Variants in ATP10B observed in about 807,000 individuals in gnomAD.
ATP10B encodes ATPase phospholipid transporting 10B (putative).
ATP10B carries 122 observed loss-of-function variants against 141.2 expected under a neutral mutation model. The ratio of observed to expected loss-of-function variants is 0.86; its 90% CI spans 0.75 to 1.00. ATP10B has a LOEUF of 1.00. Among genes scored for constraint, ATP10B ranks in the 50% least tolerant of loss-of-function variants. The pLI is 0.00. For synonymous variants in ATP10B, 685 were observed against 692.0 expected (o/e 0.99, Z 0.16); for missense variants, 1,876 against 1,825.3 (o/e 1.03, Z -0.51).
chr5:160,640,193 G>A (rs546337602), intron 10 of ATP10B, among the ~76,000 whole-genome samples: 67 of 152,288 alleles, frequency 4.4e-4, no homozygotes, highest in South Asian at 4.1e-3. Context: ...AGTCTGATTC[G>A]TCTTGTTTTC....
At chr5:160,684,777 T>C (rs1763645391) in intron 6 of ATP10B, 4 of 625,690 alleles carry the variant, frequency 6.4e-6, no homozygotes, top group South Asian at 1.9e-5. Flanking sequence ...ACTGCAGTGA[T>C]AGCAGCCACA....
intron 2 of ATP10B, among the ~76,000 whole-genome samples, chr5:160,757,451 A>C (rs1219419536): frequency 2.6e-5 from 4 of 152,338 alleles, no homozygotes; most frequent in African/African-American, 9.6e-5. Flanking sequence ...TGTTTACTGG[A>C]GTATAAACTT....
chr5:160,590,324 G>T (rs12518896), intron 23 of ATP10B, among the ~76,000 whole-genome samples: 2 of 151,846 alleles, frequency 1.3e-5, no homozygotes, highest in Non-Finnish European at 1.5e-5. Flanking sequence ...AAGCCAGGAA[G>T]TTCAAGCAAA....
Position 160,620,670 on chromosome 5 carries a change from G to A in ATP10B, c.2093C>T (p.Ser698Phe). 1.2e-6 allele frequency: 2 copies of A among 1,613,728 alleles called. No homozygotes were observed. The highest frequency in any genetic ancestry group is 1.7e-6 in the Non-Finnish European group (2 of 1,179,696). The change falls in exon 15 of 26, where the codon TCC becomes TTC. Residue 698 changes from serine (S) to phenylalanine (F), a missense_variant. Ser to Phe is a radical substitution (Grantham distance 155). Coordinates refer to ENST00000327245, the MANE Select transcript of ATP10B (RefSeq NM_025153.3). The part of the protein sequence containing the change: ...GDILESGSGT[S>F]LEEALEAPAT... ...TGGGGCCTCCAATGCCTCCTCCAAG[G>A]AAGTGCCTGACCCAGACTCCAGGAT...
chr5:160,903,184 C>A, the ATP10B span, among the ~76,000 whole-genome samples: 2 of 152,128 alleles, frequency 1.3e-5, no homozygotes, highest in Non-Finnish European at 2.9e-5. Flanking sequence ...CAGAAACGTG[C>A]TTAGGGCTAT....
chr5:160,693,979 C>T (rs1764227241), intron 3 of ATP10B, among the ~76,000 whole-genome samples: 1 of 152,192 alleles, frequency 6.6e-6, no homozygotes, highest in African/African-American at 2.4e-5. Flanking sequence ...TGGGCAGAAG[C>T]TGAGGCTGGA....
At chr5:160,737,407 A>T (rs1767199546) in intron 2 of ATP10B, among the ~76,000 whole-genome samples, 1 of 152,214 alleles carries the variant, frequency 6.6e-6, no homozygotes, top group Non-Finnish European at 1.5e-5. Flanking sequence ...TAGCTAGAGC[A>T]ATCAGACCAG....
chr5:160,664,507 CAACA>C (rs981371138), intron 7 of ATP10B, among the ~76,000 whole-genome samples: 1 of 152,190 alleles, frequency 6.6e-6, no homozygotes, highest in African/African-American at 2.4e-5. Flanking sequence ...TTAACCTGAG[CAACA>C]AACAGATACA....
chr5:160,581,375 C>T (rs1417006227), intron 24 of ATP10B, among the ~76,000 whole-genome samples: 1 of 152,148 alleles, frequency 6.6e-6, no homozygotes, highest in African/African-American at 2.4e-5. Context: ...TTTCAAAGAA[C>T]TTCTTTATTT....
At chr5:160,887,647 G>A in the ATP10B span, among the ~76,000 whole-genome samples, 2 of 152,082 alleles carry the variant, frequency 1.3e-5, no homozygotes, top group Non-Finnish European at 2.9e-5. Context: ...CCTCACTCAT[G>A]TTTCTCCAGC....
intron 1 of ATP10B, among the ~76,000 whole-genome samples, chr5:160,810,726 T>A (rs896607298): frequency 6.6e-6 from 1 of 152,236 alleles, no homozygotes; most frequent in Admixed American, 6.5e-5. Flanking sequence ...TATGAGGCTA[T>A]GTCCTTAGAT....
chr5:160,848,579 T>C (rs1753582537), intron 1 of ATP10B, among the ~76,000 whole-genome samples: 1 of 152,196 alleles, frequency 6.6e-6, no homozygotes, highest in Non-Finnish European at 1.5e-5. Context: ...AATGTAAACA[T>C]TTATAAAGGA....
At chr5:160,869,993 T>C in the ATP10B span, among the ~76,000 whole-genome samples, 1 of 152,182 alleles carries the variant, frequency 6.6e-6, no homozygotes, top group Non-Finnish European at 1.5e-5. Flanking sequence ...CTGTTCTTTT[T>C]AACAAGGCCT....
intron 7 of ATP10B, 76 bp downstream of exon 7, chr5:160,670,387 T>C: frequency 1.4e-6 from 2 of 1,443,776 alleles, no homozygotes; most frequent in South Asian, 1.2e-5. Context: ...CCAGTAGGTT[T>C]AGTTCAATTT....
chr5:160,639,421 G>A (rs561384914), intron 10 of ATP10B, among the ~76,000 whole-genome samples: 1 of 152,268 alleles, frequency 6.6e-6, no homozygotes, highest in East Asian at 1.9e-4. Context: ...TTATGAAGGT[G>A]GGCCCAATGA....
At chr5:160,916,877 T>G in the ATP10B span, among the ~76,000 whole-genome samples, 1 of 152,178 alleles carries the variant, frequency 6.6e-6, no homozygotes, top group Non-Finnish European at 1.5e-5. Context: ...TTGGACTCTA[T>G]TCTCTTTCCA....
the ATP10B span, among the ~76,000 whole-genome samples, chr5:160,868,112 C>T: frequency 6.6e-6 from 1 of 152,098 alleles, no homozygotes; most frequent in Non-Finnish European, 1.5e-5. Context: ...GTCTGGTCTG[C>T]CATGTGAAGC....
At chr5:160,895,534 C>T in the ATP10B span, among the ~76,000 whole-genome samples, 24 of 152,252 alleles carry the variant, frequency 1.6e-4, no homozygotes, top group Non-Finnish European at 3.4e-4. Context: ...TACAGGAGCA[C>T]CAAGATTCAT....
At chr5:160,900,542 T>C in the ATP10B span, among the ~76,000 whole-genome samples, 1 of 152,198 alleles carries the variant, frequency 6.6e-6, no homozygotes, top group African/African-American at 2.4e-5. Flanking sequence ...TTTTCCCAAA[T>C]TGTCCTCATT....
Sources: allele counts gnomAD v4.1 joint callset (sites outside exome capture counted in the v4.1 genomes callset), GRCh38; gene constraint gnomAD v4.1.1; transcripts MANE v1.5; gene names NCBI Gene and HGNC (gene_info 2026-07-23, HGNC 2026-07-21).